Variants in MEGF11 observed in about 807,000 individuals in gnomAD.
MEGF11 encodes multiple epidermal growth factor-like domains protein 11.
A neutral mutation model predicts 146.6 loss-of-function variants in MEGF11; 126 were observed. The observed-to-expected ratio is 0.86, with a 90% CI of 0.74 to 1.00. MEGF11 has a LOEUF of 1.00. Ranked by LOEUF, MEGF11 falls within the 50% of genes least tolerant of loss-of-function variation. The pLI is 0.00. For missense variants in MEGF11, 1,509 were observed against 1,521.2 expected, an observed-to-expected ratio of 0.99 and a Z score of 0.13; for synonymous variants, 532 against 583.4, an observed-to-expected ratio of 0.91 and a Z score of 1.27.
intron 1 of MEGF11, among the ~76,000 whole-genome samples, chr15:66,238,650 C>CAGGGGCT (rs1799518294): frequency 6.6e-6 from 1 of 152,252 alleles, no homozygotes; most frequent in Non-Finnish European, 1.5e-5. Flanking sequence ...TAGGTTCTAT[C>CAGGGGCT]ATAACCCTGA....
intron 24 of MEGF11, among the ~76,000 whole-genome samples, chr15:65,899,860 A>C (rs954282795): frequency 6.6e-6 from 1 of 152,200 alleles, no homozygotes; most frequent in Non-Finnish European, 1.5e-5. Flanking sequence ...TAGTTGTACC[A>C]TCCCCGAGAC....
In MEGF11 at chr15:66,216,647, C is replaced by T. The variant is rs145050149; in HGVS notation, c.-9+36958G>A. Among the ~76,000 whole-genome samples, 838 of 152,292 alleles carry T rather than the reference C, an allele frequency of 5.5e-3. 5 individuals are homozygous for T. Among genetic ancestry groups the T allele is most frequent in the Middle Eastern group, 0.01 (3 of 292 alleles). ...GAGGCAAGTCCTAGTGCTGCCCAGA[C>T]CCTGGTCCAACCTGGAAGCAGCTGA... On this transcript the variant is annotated intron_variant, in intron 1 of 25. Transcript: ENST00000395614.
chr15:66,123,030 A>C (rs771980692), intron 3 of MEGF11, among the ~76,000 whole-genome samples: 5 of 152,068 alleles, frequency 3.3e-5, no homozygotes, highest in Non-Finnish European at 7.4e-5. Flanking sequence ...TGATACGCCC[A>C]CCTCGGCCTC....
At chr15:66,220,873 A>T (rs1567288951) in intron 1 of MEGF11, among the ~76,000 whole-genome samples, 2 of 152,100 alleles carry the variant, frequency 1.3e-5, no homozygotes, top group Non-Finnish European at 2.9e-5. Flanking sequence ...AGCAGTTCTG[A>T]TTGTGGTCGT....
At chr15:65,977,907 C>T (rs1410342275) in intron 7 of MEGF11, among the ~76,000 whole-genome samples, 1 of 152,188 alleles carries the variant, frequency 6.6e-6, no homozygotes, top group Non-Finnish European at 1.5e-5. Context: ...ACTACTCAGA[C>T]TTGGTTTCTC....
intron 5 of MEGF11, among the ~76,000 whole-genome samples, chr15:66,068,151 A>G (rs2085211890): frequency 6.6e-6 from 1 of 152,218 alleles, no homozygotes; most frequent in African/African-American, 2.4e-5. Flanking sequence ...AACTCTTATT[A>G]TCATTATTCC....
At chr15:66,020,239 G>A (rs1218183359) in intron 5 of MEGF11, among the ~76,000 whole-genome samples, 1 of 152,240 alleles carries the variant, frequency 6.6e-6, no homozygotes, top group Non-Finnish European at 1.5e-5. Context: ...GACTCCAACA[G>A]GAACATTGGG....
At chr15:66,181,840 A>C (rs1224138255) in intron 1 of MEGF11, among the ~76,000 whole-genome samples, 2 of 152,196 alleles carry the variant, frequency 1.3e-5, no homozygotes, top group Non-Finnish European at 2.9e-5. Flanking sequence ...ACAGTAGTCC[A>C]GAGGAACTGA....
intron 1 of MEGF11, among the ~76,000 whole-genome samples, chr15:66,161,864 T>C (rs982595087): frequency 3.3e-5 from 5 of 152,172 alleles, no homozygotes; most frequent in African/African-American, 1.2e-4. Context: ...ACACCACCAG[T>C]GGCTTTCAAG....
Position 66,107,402 on chromosome 15 carries a change from CAGGAGGG to C in MEGF11, c.301+11677_301+11683del, listed in dbSNP as rs544658697. 1.6e-3 allele frequency among the ~76,000 whole-genome samples: 238 copies of C among 152,318 alleles called. 1 individual carries two copies. The highest frequency in any genetic ancestry group is 5.5e-3 in the African/African-American group (227 of 41,556). The stretch of plus-strand genomic sequence containing the variant: ...TTGTCCACAAAAGCCCATTAGTGGC[CAGGAGGG>C]AGGAAGGCGCTCAGCAAACCAGGAG... On this transcript the variant is annotated intron_variant, in intron 4 of 25. Coordinates refer to ENST00000395614, the MANE Select transcript of MEGF11 (RefSeq NM_001385028.1).
At chr15:66,238,142 A>G (rs11632654) in intron 1 of MEGF11, among the ~76,000 whole-genome samples, 32,009 of 152,184 alleles carry the variant, frequency 0.21, 3,753 homozygotes, top group Admixed American at 0.28. Flanking sequence ...GCTGCCACCC[A>G]GCCAGGAGGG....
At chr15:65,989,422 C>A (rs1229112441) in intron 5 of MEGF11, among the ~76,000 whole-genome samples, 3 of 152,250 alleles carry the variant, frequency 2.0e-5, no homozygotes, top group Admixed American at 6.5e-5. Context: ...CAGCCCCTCC[C>A]AGAAAGGTCT....
chr15:66,182,811 A>ATTTAG (rs1019063494), intron 1 of MEGF11, among the ~76,000 whole-genome samples: 2 of 152,168 alleles, frequency 1.3e-5, no homozygotes, highest in Admixed American at 1.3e-4. Context: ...AACATGGGTC[A>ATTTAG]TTTAGTCTAA....
At position 65,942,453 on chromosome 15, in the gene MEGF11, A is replaced by C. The variant is rs57701134; in HGVS notation, c.1288-11510T>G. On this transcript the variant is annotated intron_variant, in intron 10 of 25. Coordinates refer to ENST00000395614, the MANE Select transcript of MEGF11 (RefSeq NM_001385028.1). ...TTAGGGTATAAAGCTAAGATGGCGG[A>C]ATAACAGGCAGTGGGAGTGAGTTAG... Among the ~76,000 whole-genome samples the C allele has an allele frequency of 3.2e-3, 492 of 152,330 alleles. 1 individual carries two copies. Among genetic ancestry groups the C allele is most frequent in the African/African-American group, 0.011 (478 of 41,568 alleles).
intron 5 of MEGF11, among the ~76,000 whole-genome samples, chr15:65,998,856 T>G (rs2082276851): frequency 6.6e-6 from 1 of 152,142 alleles, no homozygotes; most frequent in South Asian, 2.1e-4. Flanking sequence ...GCAGGAGGCT[T>G]CATTAAGCAG....
At chr15:66,182,463 A>T (rs1278191508) in intron 1 of MEGF11, among the ~76,000 whole-genome samples, 1 of 152,236 alleles carries the variant, frequency 6.6e-6, no homozygotes, top group Non-Finnish European at 1.5e-5. Flanking sequence ...ATCACACAGG[A>T]GTAAGAACTG....
rs979646701 is a variant in MEGF11 at position 65,896,466 on chromosome 15, G to A, written c.*1468C>T. ...CTTCCTGTAGCAGTATTCCAGCTTC[G>A]CAGTCATTTAGTTCCTCTTCTGTGT... On this transcript the variant is annotated 3_prime_UTR_variant, in exon 26 of 26. Transcript: ENST00000395614. The A allele has an allele frequency of 1.3e-5, 2 of 152,556 alleles. No individual in the cohort carries two copies. Among genetic ancestry groups the A allele is most frequent in the African/African-American group, 4.8e-5 (2 of 41,410 alleles). 9.5% of individuals were successfully genotyped at this position (152,556 alleles called of 1,614,324 possible). A position where few individuals can be genotyped will look rare whatever the true frequency, so the allele number is the denominator to read the frequency against.
chr15:65,917,837 A>G, intron 16 of MEGF11, 129 bp downstream of exon 16: 4 of 1,074,112 alleles, frequency 3.7e-6, no homozygotes, highest in Non-Finnish European at 5.4e-6. Flanking sequence ...AATGGGGCTC[A>G]TTCCTACATG....
chr15:66,107,537 C>T (rs922911977), intron 4 of MEGF11, among the ~76,000 whole-genome samples: 5 of 152,184 alleles, frequency 3.3e-5, no homozygotes, highest in Admixed American at 1.3e-4. Flanking sequence ...CTGGGTTCTG[C>T]GACAGTAAGC....
Sources: allele counts gnomAD v4.1 joint callset (sites outside exome capture counted in the v4.1 genomes callset), GRCh38; gene constraint gnomAD v4.1.1; transcripts MANE v1.5; gene names NCBI Gene and HGNC (gene_info 2026-07-23, HGNC 2026-07-21).